SMARCB1: variants seen among roughly 807,000 people sequenced by gnomAD.
The protein encoded by SMARCB1 is SWI/SNF related BAF chromatin remodeling complex subunit B1, also known as SWI/SNF-related matrix-associated actin-dependent regulator of chromatin subfamily B member 1.
SMARCB1 carries 5 observed loss-of-function variants against 49.0 expected under a neutral mutation model. That is an observed-to-expected ratio of 0.10 (90% confidence interval 0.05 to 0.21). The LOEUF is 0.21. Among genes scored for constraint, SMARCB1 ranks in the 10% least tolerant of loss-of-function variants. SMARCB1 has a pLI of 1.00. For missense variants in SMARCB1, 226 were observed against 509.2 expected (o/e 0.44, Z 5.35); for synonymous variants, 201 against 200.1 (o/e 1.00, Z -0.04).
chr22:23,833,458 G>C (rs1349470985), intron 7 of SMARCB1, 114 bp from the exon 8 acceptor site: 8 of 1,427,150 alleles, frequency 5.6e-6, no homozygotes, highest in Admixed American at 5.0e-5. Flanking sequence ...GCATCCACTG[G>C]GTGCCAGCAG....
chr22:23,791,642 CT>C lies in SMARCB1; in HGVS notation c.94-113del, dbSNP rs1928381745. On this transcript the variant is annotated intron_variant, in intron 1 of 8. Transcript: ENST00000644036. ...TTTAATGCTGCCGAAAGCGTGGCGC[CT>C]GGGGGCCACCTCAAGGCCTGTTTGT... 3.5e-5 allele frequency: 36 copies of C among 1,023,438 alleles called. No homozygotes were observed. The South Asian group carries it at 4.6e-4, about 13-fold the overall frequency. 63.4% of individuals were successfully genotyped at this position (1,023,438 alleles called of 1,614,324 possible). A position where few individuals can be genotyped will look rare whatever the true frequency, so the allele number is the denominator to read the frequency against.
chr22:23,796,663 G>A lies in SMARCB1; in HGVS notation c.362+2975G>A, dbSNP rs114241651. ...ACATAAGGATGGCTTGGCCTTCCCA[G>A]GGAAGTTGCAGAAGGAAATTGTGTA... On this transcript the variant is annotated intron_variant, in intron 3 of 8. Transcript: ENST00000644036. 5.8e-3 allele frequency among the ~76,000 whole-genome samples: 890 copies of A among 152,294 alleles called. 8 individuals are homozygous for A. The highest frequency in any genetic ancestry group is 0.022 in the South Asian group (108 of 4,824).
chr22:23,813,294 G>A (rs1929989930), intron 5 of SMARCB1, among the ~76,000 whole-genome samples: 1 of 152,190 alleles, frequency 6.6e-6, no homozygotes, highest in Non-Finnish European at 1.5e-5. Flanking sequence ...CCAGTAAGCT[G>A]AGAAAAGGAA....
rs1431982803 is a variant in SMARCB1, at chr22:23,835,177, G to T, written c.*997G>T. The stretch of plus-strand genomic sequence containing the variant: ...GTACAGGGAGGAGACACAGCCCAGG[G>T]TCCCTTCCCAGCCCTGCCTCCAAGG... On this transcript the variant is annotated 3_prime_UTR_variant, in exon 9 of 9. Transcript: ENST00000644036. 1.6e-6 allele frequency: 2 copies of T among 1,284,094 alleles called. No individual in the cohort carries two copies. The highest frequency in any genetic ancestry group is 2.0e-6 in the Non-Finnish European group (2 of 1,018,004). The allele number at this position is 1,284,094 out of a possible 1,614,324, so 79.5% of individuals were successfully genotyped here. A position where few individuals can be genotyped will look rare whatever the true frequency, so the allele number is the denominator to read the frequency against.
In SMARCB1 at chr22:23,787,256, C is replaced by T. The variant is rs1601382677; in HGVS notation, c.87C>T (p.Gly29=). The T allele has an allele frequency of 6.3e-6, 10 of 1,592,708 alleles. No individual in the cohort carries two copies. Among genetic ancestry groups the T allele is most frequent in the Non-Finnish European group, 8.6e-6 (10 of 1,166,048 alleles). Residue 29 remains glycine (G), a synonymous_variant, in exon 1 of 9, where the codon GGC becomes GGT. Coordinates refer to ENST00000644036, the MANE Select transcript of SMARCB1 (RefSeq NM_003073.5). ...ACGACGGCGAGTTCTACATGATCGG[C>T]TCCGAGGTAGCCCGGGGCGCGTTCT... ...LEDDGEFYMI[G]SEVGNYLRMF...
rs1488188747 is a variant in SMARCB1, at chr22:23,827,838, C to G, written c.986+2423C>G. On this transcript the variant is annotated intron_variant, in intron 7 of 8. Coordinates refer to ENST00000644036, the MANE Select transcript of SMARCB1 (RefSeq NM_003073.5). ...CCCTGACTCCAACTCGCGTTCCCCC[C>G]ACTGTACCACCCCACCCCATGGGAT... Among the ~76,000 whole-genome samples the G allele has an allele frequency of 2.8e-4, 43 of 152,134 alleles. 1 individual carries two copies. Among genetic ancestry groups the G allele is most frequent in the Admixed American group, 2.8e-3 (43 of 15,286 alleles).
chr22:23,836,295 C>G lies in SMARCB1; in HGVS notation c.*2115C>G. 2 of 985,502 alleles carry G rather than the reference C, an allele frequency of 2.0e-6. No homozygotes were observed. Among genetic ancestry groups the G allele is most frequent in the Non-Finnish European group, 1.2e-6 (1 of 829,952 alleles). The allele number at this position is 985,502 out of a possible 1,614,324, so 61.0% of individuals were successfully genotyped here. ...CACCAGATGAAAAATGAGGCATACG[C>G]CCACCTGTCAGGGTGGCTGATGAGA... On this transcript the variant is annotated 3_prime_UTR_variant, in exon 9 of 9. Coordinates refer to ENST00000644036, the MANE Select transcript of SMARCB1 (RefSeq NM_003073.5).
intron 5 of SMARCB1, chr22:23,815,720 C>T (rs1360983774): frequency 6.6e-6 from 1 of 152,176 alleles, no homozygotes. Context: ...CCCTTCGTAC[C>T]ACAGAATGTC....
intron 6 of SMARCB1, among the ~76,000 whole-genome samples, chr22:23,821,862 C>CAAA (rs35051501): frequency 1.7e-5 from 2 of 117,434 alleles, no homozygotes; most frequent in Non-Finnish European, 1.8e-5. Context: ...GACTCTGTCT[C>CAAA]AAAAAAAAAA....
chr22:23,821,338 T>A (rs539462939), intron 6 of SMARCB1, among the ~76,000 whole-genome samples: 8 of 151,928 alleles, frequency 5.3e-5, no homozygotes, highest in Non-Finnish European at 1.0e-4. Context: ...AACAGTGTCC[T>A]GTCTTGCCCA....
chr22:23,816,736 A>G (rs369352785), intron 5 of SMARCB1, 34 bp from the exon 6 acceptor site: 25 of 1,602,000 alleles, frequency 1.6e-5, no homozygotes, highest in Admixed American at 1.3e-4. Flanking sequence ...GCATGGTGCA[A>G]TCTCTTGGCA....
At chr22:23,833,798 C>T in intron 8 of SMARCB1, 95 bp downstream of exon 8, 2 of 1,437,612 alleles carry the variant, frequency 1.4e-6, no homozygotes, top group Admixed American at 3.4e-5. Flanking sequence ...CCCATGGTCT[C>T]TGAGACAGAG....
intron 1 of SMARCB1, among the ~76,000 whole-genome samples, chr22:23,790,358 A>G (rs1365789398): frequency 6.6e-6 from 1 of 152,208 alleles, no homozygotes; most frequent in Non-Finnish European, 1.5e-5. Flanking sequence ...CTCAGCGTTC[A>G]GTAGCCCTGG....
intron 5 of SMARCB1, among the ~76,000 whole-genome samples, chr22:23,814,620 AC>A (rs1309638177): frequency 2.0e-5 from 3 of 151,818 alleles, no homozygotes; most frequent in African/African-American, 7.3e-5. Flanking sequence ...AGCCGAGATC[AC>A]GCTGTTGCAA....
At position 23,837,589 on chromosome 22, in the gene SMARCB1, C is replaced by T. The variant is rs907705988; in HGVS notation, c.*3409C>T. 56 of 1,517,506 alleles carry T rather than the reference C, an allele frequency of 3.7e-5. No homozygotes were observed. Among genetic ancestry groups the T allele is most frequent in the Non-Finnish European group, 4.9e-5 (55 of 1,119,970 alleles). The allele number at this position is 1,517,506 out of a possible 1,614,324, so 94.0% of individuals were successfully genotyped here. ...TCCAGCAAGGATGGGAGAGGGGCCCCAGGGCATAAGCAGCGTGTCCTGAGG... is the reference window on the plus strand; with the variant it reads ...TCCAGCAAGGATGGGAGAGGGGCCCTAGGGCATAAGCAGCGTGTCCTGAGG... On this transcript the variant is annotated 3_prime_UTR_variant, in exon 9 of 9. Transcript: ENST00000644036.
chr22:23,835,325 CAGATCCGGGCA>C lies in SMARCB1; in HGVS notation c.*1146_*1156del. 1 of 1,008,240 alleles carries C rather than the reference CAGATCCGGGCA, an allele frequency of 9.9e-7. No homozygotes were observed. Among genetic ancestry groups the C allele is most frequent in the Non-Finnish European group, 1.2e-6 (1 of 845,512 alleles). The allele number at this position is 1,008,240 out of a possible 1,614,324, so 62.5% of individuals were successfully genotyped here. ...CCAGCCTTACTGAAGAGAATGGGCA[CAGATCCGGGCA>C]CAGATCCCAGCACAGACTGCTGCCA... On this transcript the variant is annotated 3_prime_UTR_variant, in exon 9 of 9. Coordinates refer to ENST00000644036, the MANE Select transcript of SMARCB1 (RefSeq NM_003073.5).
At chr22:23,801,382 G>A in intron 4 of SMARCB1, 1 of 670,592 alleles carries the variant, frequency 1.5e-6, no homozygotes, top group Non-Finnish European at 2.7e-6. Context: ...ACATGAGTGG[G>A]CCACAGCCAG....
rs56800497 is a variant in SMARCB1, at chr22:23,830,649, C to CT, written c.987-2890dup. ...TTCATTTTGATGTAGTCCAATTTAT[C>CT]TTTTTTTTTTTTTTTTTTTTTTTTT... On this transcript the variant is annotated intron_variant, in intron 7 of 8. Transcript: ENST00000644036. Among the ~76,000 whole-genome samples, 339 of 95,330 alleles carry CT rather than the reference C, an allele frequency of 3.6e-3. 15 individuals carry two copies. The highest frequency in any genetic ancestry group is 7.7e-3 in the South Asian group (18 of 2,326). 62.5% of individuals were successfully genotyped at this position (95,330 alleles called of 152,430 possible).
intron 6 of SMARCB1, among the ~76,000 whole-genome samples, chr22:23,819,375 G>C (rs1182348528): frequency 6.6e-6 from 1 of 152,190 alleles, no homozygotes; most frequent in East Asian, 1.9e-4. Context: ...CTGTTGCTCA[G>C]GCTGGAGTGC....
Sources: allele counts gnomAD v4.1 joint callset (sites outside exome capture counted in the v4.1 genomes callset), GRCh38; gene constraint gnomAD v4.1.1; transcripts MANE v1.5; gene names NCBI Gene and HGNC (gene_info 2026-07-23, HGNC 2026-07-21).